PSMD14: variants seen among roughly 807,000 people sequenced by gnomAD.
PSMD14 encodes ubiquitin C-terminal hydrolase PSMD14.
A neutral mutation model predicts 41.2 loss-of-function variants in PSMD14; 7 were observed. The observed-to-expected ratio is 0.17, with a 90% CI of 0.10 to 0.32. PSMD14 has a LOEUF of 0.32. Among genes scored for constraint, PSMD14 ranks in the 10% least tolerant of loss-of-function variants. The probability of loss-of-function intolerance (pLI) is 1.00; values close to 1 mark genes in which losing one functional copy is unlikely to be tolerated. For synonymous variants in PSMD14, 114 were observed against 122.3 expected (o/e 0.93, Z 0.45); for missense variants, 139 against 375.6 (o/e 0.37, Z 5.21).
intron 8 of PSMD14, among the ~76,000 whole-genome samples, chr2:161,386,873 A>G (rs1302090681): frequency 6.6e-6 from 1 of 151,966 alleles, no homozygotes; most frequent in Non-Finnish European, 1.5e-5. Flanking sequence ...CTTTTTTAAA[A>G]TTAAAGCACT....
Position 161,385,450 on chromosome 2 carries a change from C to A in PSMD14, c.463-14C>A. On this transcript the variant is annotated splice_polypyrimidine_tract_variant and intron_variant, in intron 7 of 11. Transcript: ENST00000409682. ...TTTTTAAAAAAAAATTGACTTGACA[C>A]CTTGTTTTTACAGGTTGTTATTGAT... 1.3e-6 allele frequency: 2 copies of A among 1,547,304 alleles called. No homozygotes were observed. The highest frequency in any genetic ancestry group is 1.2e-5 in the South Asian group (1 of 84,506).
At chr2:161,340,930 C>T (rs1682945839) in intron 3 of PSMD14, 3 of 1,613,656 alleles carry the variant, frequency 1.9e-6, no homozygotes, top group Admixed American at 1.7e-5. Context: ...CCGTCCTCCT[C>T]CTCAGGCCCT....
chr2:161,360,366 G>GTT (rs34061827), intron 3 of PSMD14, among the ~76,000 whole-genome samples: 30 of 131,580 alleles, frequency 2.3e-4, no homozygotes, highest in Non-Finnish European at 3.5e-4. Flanking sequence ...CTTTCATATT[G>GTT]TTTTTTTTTT....
At chr2:161,359,844 C>T (rs1234424858) in intron 3 of PSMD14, among the ~76,000 whole-genome samples, 1 of 152,152 alleles carries the variant, frequency 6.6e-6, no homozygotes, top group East Asian at 1.9e-4. Flanking sequence ...ATATTACTAG[C>T]GTCAGAAGTT....
At chr2:161,410,219 C>T (rs935682592) in intron 11 of PSMD14, among the ~76,000 whole-genome samples, 1 of 151,920 alleles carries the variant, frequency 6.6e-6, no homozygotes, top group Non-Finnish European at 1.5e-5. Context: ...CAGTGTTTTT[C>T]ACCTAAAATG....
rs1239826525 is a variant in PSMD14, at chr2:161,313,091, G to C, written c.-137-3346G>C. 3.9e-5 allele frequency among the ~76,000 whole-genome samples: 6 copies of C among 152,098 alleles called. No individual in the cohort carries two copies. In the East Asian group the frequency reaches 1.2e-3, roughly 29 times the overall value. On this transcript the variant is annotated intron_variant, in intron 1 of 11. Transcript: ENST00000409682. Reference sequence around the variant, plus strand: ...CTGTGAGATAGATCTCCATTTTGCAGATGAGGAAACTGAGGAGGAGAGAGG... The same window carrying C: ...CTGTGAGATAGATCTCCATTTTGCACATGAGGAAACTGAGGAGGAGAGAGG...
rs551917626 is a variant in PSMD14 at position 161,379,869 on chromosome 2, C to T, written c.463-5595C>T. ...GCCAAAATTAGCCTTTAGAGGAATC[C>T]CTTATTTGGCAGGAATGGCTAGGTT... On this transcript the variant is annotated intron_variant, in intron 7 of 11. Transcript: ENST00000409682. 8.9e-4 allele frequency among the ~76,000 whole-genome samples: 135 copies of T among 152,124 alleles called. No homozygotes were observed. The South Asian group carries it at 0.013, about 15-fold the overall frequency.
chr2:161,404,605 C>T (rs370039466), intron 10 of PSMD14, among the ~76,000 whole-genome samples: 11 of 152,250 alleles, frequency 7.2e-5, no homozygotes, highest in South Asian at 2.1e-4. Flanking sequence ...CCAGTATTCT[C>T]GGAGTCATAA....
At chr2:161,407,707 T>C (rs1190382546) in intron 10 of PSMD14, 1 of 152,062 alleles carries the variant, frequency 6.6e-6, no homozygotes, top group Admixed American at 6.6e-5. Context: ...GTTCAGAGTA[T>C]CCAAATCTAA....
intron 3 of PSMD14, among the ~76,000 whole-genome samples, chr2:161,362,016 T>C (rs774714212): frequency 2.0e-5 from 3 of 152,198 alleles, no homozygotes; most frequent in Non-Finnish European, 4.4e-5. Flanking sequence ...GTATTGTGTT[T>C]GGTTTTTCTT....
intron 3 of PSMD14, among the ~76,000 whole-genome samples, chr2:161,348,910 C>T (rs1017171363): frequency 6.6e-5 from 10 of 151,972 alleles, no homozygotes; most frequent in Admixed American, 5.2e-4. Context: ...AAGTAAATAA[C>T]AGTGGTTAGA....
intron 11 of PSMD14, among the ~76,000 whole-genome samples, chr2:161,410,151 G>A (rs1169330726): frequency 2.0e-5 from 3 of 152,166 alleles, no homozygotes; most frequent in African/African-American, 7.2e-5. Flanking sequence ...CATGGCAAAA[G>A]CAAAACTGTC....
At chr2:161,366,506 G>A (rs76148218) in intron 3 of PSMD14, among the ~76,000 whole-genome samples, 1 of 152,050 alleles carries the variant, frequency 6.6e-6, no homozygotes, top group East Asian at 1.9e-4. Flanking sequence ...AAATGGGAGA[G>A]AGAACATGGC....
intron 9 of PSMD14, 103 bp from the exon 10 acceptor site, chr2:161,394,975 A>C: frequency 9.8e-7 from 1 of 1,019,730 alleles, no homozygotes; most frequent in Non-Finnish European, 1.4e-6. Flanking sequence ...AGTTAAATCC[A>C]TTAAGTCGAA....
chr2:161,363,637 A>G (rs1292927103), intron 3 of PSMD14, among the ~76,000 whole-genome samples: 1 of 152,210 alleles, frequency 6.6e-6, no homozygotes, highest in East Asian at 1.9e-4. Context: ...ATGTATGTAG[A>G]TGGTCCACAG....
chr2:161,391,645 G>C (rs865873435), intron 9 of PSMD14, among the ~76,000 whole-genome samples: 3 of 152,150 alleles, frequency 2.0e-5, no homozygotes, highest in Non-Finnish European at 2.9e-5. Context: ...AGACTAGAGT[G>C]CAATGGTGTG....
intron 7 of PSMD14, chr2:161,383,210 T>G (rs1683590422): frequency 6.6e-6 from 1 of 152,166 alleles, no homozygotes; most frequent in African/African-American, 2.4e-5. Flanking sequence ...AAAATTAAAA[T>G]GTAGACTATA....
chr2:161,311,417 G>A (rs978458653), intron 1 of PSMD14, among the ~76,000 whole-genome samples: 2 of 152,046 alleles, frequency 1.3e-5, no homozygotes, highest in South Asian at 4.2e-4. Context: ...AATTGTATTA[G>A]TTATTATGAG....
chr2:161,354,211 C>T (rs1683160484), intron 3 of PSMD14, among the ~76,000 whole-genome samples: 1 of 152,078 alleles, frequency 6.6e-6, no homozygotes, highest in African/African-American at 2.4e-5. Context: ...GAAGTTTGAA[C>T]TGATCTCCGT....
Sources: allele counts gnomAD v4.1 joint callset (sites outside exome capture counted in the v4.1 genomes callset), GRCh38; gene constraint gnomAD v4.1.1; transcripts MANE v1.5; gene names NCBI Gene and HGNC (gene_info 2026-07-23, HGNC 2026-07-21).